The following NBN variants were observed in gnomAD, a reference collection of about 807,000 sequenced individuals.
NBN encodes the protein Nijmegen breakage syndrome 1 (nibrin).
NBN carries 88 observed loss-of-function variants against 90.8 expected under a neutral mutation model. The ratio of observed to expected loss-of-function variants is 0.97; its 90% CI spans 0.82 to 1.16. The LOEUF is 1.16. Among genes scored for constraint, NBN ranks in the 50% most tolerant of loss-of-function variants. NBN has a pLI of 0.00. For missense variants in NBN, 894 were observed against 869.6 expected (o/e 1.03, Z -0.35); for synonymous variants, 328 against 295.1 (o/e 1.11, Z -1.14).
intron 9 of NBN, among the ~76,000 whole-genome samples, chr8:89,956,809 T>C (rs1810735733): frequency 6.6e-6 from 1 of 152,204 alleles, no homozygotes; most frequent in Admixed American, 6.5e-5. Context: ...TCACAGACAC[T>C]ATATAATGAT....
At chr8:89,978,813 AT>A (rs1811901516) in intron 4 of NBN, among the ~76,000 whole-genome samples, 1 of 152,222 alleles carries the variant, frequency 6.6e-6, no homozygotes, top group South Asian at 2.1e-4. Flanking sequence ...AAATAAAATA[AT>A]TTTTGGTAAA....
chr8:89,982,384 C>A (rs944884750), intron 2 of NBN: 3 of 353,686 alleles, frequency 8.5e-6, no homozygotes. Context: ...AAACACATTA[C>A]TGCTAATGGC....
chr8:89,947,947 C>A (rs1350928223), intron 11 of NBN, 55 bp from the exon 12 acceptor site: 2 of 1,073,754 alleles, frequency 1.9e-6, no homozygotes, highest in Admixed American at 4.2e-5. Flanking sequence ...TGGTATGTTT[C>A]TATCACTTCT....
At chr8:89,984,497 G>A (rs768230674) in intron 1 of NBN, 28 bp downstream of exon 1, 5 of 1,603,006 alleles carry the variant, frequency 3.1e-6, no homozygotes, top group South Asian at 1.1e-5. Flanking sequence ...CGGGAAAATA[G>A]GCCCCGAGGC....
chr8:89,950,081 T>C (rs1034881045), intron 11 of NBN, among the ~76,000 whole-genome samples: 5 of 152,156 alleles, frequency 3.3e-5, no homozygotes, highest in African/African-American at 9.7e-5. Flanking sequence ...GGACAAACAA[T>C]TGTCTCAAAC....
chr8:89,943,344 T>C lies in NBN; in HGVS notation c.2093A>G (p.Lys698Arg), dbSNP rs2130756107. 6.2e-7 allele frequency: 1 copy of C among 1,608,128 alleles called. No homozygotes were observed. Among genetic ancestry groups the C allele is most frequent in the Non-Finnish European group, 8.5e-7 (1 of 1,174,662 alleles). ...FKKVTYPGAG[K>R]LPHIIGGSDL... ...TGATCCTCCAATGATGTGTGGAAGT[T>C]TTCCTGCTCCAGGATATGTGACCTA... Residue 698 changes from lysine to arginine, a missense_variant, in exon 14 of 16, where the codon AAA becomes AGA. By Grantham distance (26) the Lys-to-Arg change is conservative. Transcript: ENST00000265433.
Position 89,964,464 on chromosome 8 carries a change from C to T in NBN, c.940G>A (p.Val314Met), listed in dbSNP as rs529845940. ...TAATTCTTTGTAGTCATGAAAATCACCGCCAATCCAATTTCTGCTTCAGGA... is the reference window on the plus strand; with the variant it reads ...TAATTCTTTGTAGTCATGAAAATCATCGCCAATCCAATTTCTGCTTCAGGA... ...PIPEAEIGLA[V>M]IFMTTKNYCD... Residue 314 changes from valine to methionine, a missense_variant, in exon 8 of 16, where the codon GTG becomes ATG. Transcript: ENST00000265433. 4.0e-5 allele frequency: 65 copies of T among 1,612,628 alleles called. No homozygotes were observed. The highest frequency in any genetic ancestry group is 5.0e-5 in the Non-Finnish European group (59 of 1,178,746).
At chr8:89,976,955 A>C (rs761925268) in intron 5 of NBN, among the ~76,000 whole-genome samples, 11 of 152,222 alleles carry the variant, frequency 7.2e-5, no homozygotes, top group Non-Finnish European at 1.2e-4. Flanking sequence ...TATCCGGTAT[A>C]AACAGTCCCT....
Position 89,976,763 on chromosome 8 carries a change from G to GGACC in NBN, c.584+1456_584+1457insGGTC, listed in dbSNP as rs1348538165. On this transcript the variant is annotated intron_variant, in intron 5 of 15. Coordinates refer to ENST00000265433, the MANE Select transcript of NBN (RefSeq NM_002485.5). ...CGGGTCAGACCTGGCACATACTGAGGGGTCTTGGACTCAAAAAATTTTAAG... is the reference window on the plus strand; with the variant it reads ...CGGGTCAGACCTGGCACATACTGAGGGACCGGTCTTGGACTCAAAAAATTTTAAG... Among the ~76,000 whole-genome samples, 4 of 152,004 alleles carry GGACC rather than the reference G, an allele frequency of 2.6e-5. No homozygotes were observed. The East Asian group carries it at 7.7e-4, about 29-fold the overall frequency.
chr8:89,933,574 C>T lies in NBN; in HGVS notation c.*2008G>A. The T allele has an allele frequency of 4.3e-6, 1 of 231,804 alleles. No homozygotes were observed. Among genetic ancestry groups the T allele is most frequent in the Non-Finnish European group, 8.5e-6 (1 of 117,310 alleles). 14.4% of individuals were successfully genotyped at this position (231,804 alleles called of 1,614,324 possible). Reference sequence around the variant, plus strand: ...TAAACAGTGTTACAATGACTGGATACTTGTATGGGGGAAAAAAAGAACCCT... The same window carrying T: ...TAAACAGTGTTACAATGACTGGATATTTGTATGGGGGAAAAAAAGAACCCT... On this transcript the variant is annotated 3_prime_UTR_variant, in exon 16 of 16. Transcript: ENST00000265433.
rs1811458181 is a variant in NBN, at chr8:89,970,448, A to C, written c.812T>G (p.Val271Gly). 1.2e-6 allele frequency: 2 copies of C among 1,614,054 alleles called. No individual in the cohort carries two copies. Among genetic ancestry groups the C allele is most frequent in the Non-Finnish European group, 1.7e-6 (2 of 1,179,950 alleles). ...NFFLAPGTCV[V>G]DTGITNSQTL... ...CTGTGAGTTTGTTATTCCTGTATCA[A>C]CAACACACGTTCCCGGAGCCAAAAA... The change falls in exon 7 of 16, where the codon GTT becomes GGT. Residue 271 changes from valine to glycine, a missense_variant. Coordinates refer to ENST00000265433, the MANE Select transcript of NBN (RefSeq NM_002485.5).
rs751670125 is a variant in NBN, at chr8:89,935,003, G to C, written c.*579C>G. On this transcript the variant is annotated 3_prime_UTR_variant, in exon 16 of 16. Coordinates refer to ENST00000265433, the MANE Select transcript of NBN (RefSeq NM_002485.5). ...ACATGTAGGTGACATCTGCACCACT[G>C]AAGCCATTTTGTTTGGATCACCAGA... 4 of 232,858 alleles carry C rather than the reference G, an allele frequency of 1.7e-5. No individual in the cohort carries two copies. Among genetic ancestry groups the C allele is most frequent in the Non-Finnish European group, 3.4e-5 (4 of 118,102 alleles). 14.4% of individuals were successfully genotyped at this position (232,858 alleles called of 1,614,324 possible). A position where few individuals can be genotyped will look rare whatever the true frequency, so the allele number is the denominator to read the frequency against.
intron 5 of NBN, among the ~76,000 whole-genome samples, chr8:89,973,074 G>A (rs1166622032): frequency 2.0e-5 from 3 of 152,138 alleles, no homozygotes; most frequent in Admixed American, 6.5e-5. Context: ...CCTCTCTAAT[G>A]GCTCTACCAG....
At chr8:89,974,502 C>G (rs1233363385) in intron 5 of NBN, among the ~76,000 whole-genome samples, 1 of 152,110 alleles carries the variant, frequency 6.6e-6, no homozygotes, top group Admixed American at 6.6e-5. Flanking sequence ...GTAAGTTAAC[C>G]TGTTCCTGTT....
chr8:89,975,438 TCAGA>T (rs1220449990), intron 5 of NBN, among the ~76,000 whole-genome samples: 2 of 152,228 alleles, frequency 1.3e-5, no homozygotes, highest in Admixed American at 1.3e-4. Context: ...AATTGAGTAC[TCAGA>T]CAAATAAGCC....
At chr8:89,966,561 A>G (rs1811262641) in intron 7 of NBN, among the ~76,000 whole-genome samples, 1 of 152,224 alleles carries the variant, frequency 6.6e-6, no homozygotes, top group African/African-American at 2.4e-5. Flanking sequence ...ACCTAAATAA[A>G]TGGGGATACC....
At chr8:89,939,565 G>A (rs1002781533) in intron 14 of NBN, among the ~76,000 whole-genome samples, 5 of 152,144 alleles carry the variant, frequency 3.3e-5, no homozygotes, top group African/African-American at 1.2e-4. Flanking sequence ...TTTAAGCCAT[G>A]CCATACGCTT....
chr8:89,982,342 T>C, intron 2 of NBN: 1 of 306,512 alleles, frequency 3.3e-6, no homozygotes, highest in South Asian at 3.0e-5. Flanking sequence ...CATTGTTCTA[T>C]TCGCAGGGTT....
At chr8:89,943,802 C>A (rs1810061047) in intron 13 of NBN, among the ~76,000 whole-genome samples, 1 of 151,986 alleles carries the variant, frequency 6.6e-6, no homozygotes, top group African/African-American at 2.4e-5. Flanking sequence ...AGAGTCCAAG[C>A]AGGAGATGTT....
Sources: allele counts gnomAD v4.1 joint callset (sites outside exome capture counted in the v4.1 genomes callset), GRCh38; gene constraint gnomAD v4.1.1; transcripts MANE v1.5; gene names NCBI Gene and HGNC (gene_info 2026-07-23, HGNC 2026-07-21).